The following PRKAR1B variants were observed in gnomAD, a reference collection of about 807,000 sequenced individuals.
PRKAR1B encodes cAMP-dependent protein kinase type I-beta regulatory subunit.
A neutral mutation model predicts 46.5 loss-of-function variants in PRKAR1B; 22 were observed. The observed-to-expected ratio is 0.47, with a 90% CI of 0.34 to 0.68. PRKAR1B has a LOEUF of 0.68. PRKAR1B is among the 30% of genes least tolerant of loss of function. The pLI is 0.01. For missense variants in PRKAR1B, 445 were observed against 535.6 expected, an observed-to-expected ratio of 0.83 and a Z score of 1.67; for synonymous variants, 259 against 217.7, an observed-to-expected ratio of 1.19 and a Z score of -1.67.
intron 9 of PRKAR1B, among the ~76,000 whole-genome samples, chr7:552,987 C>T (rs1267568047): frequency 6.6e-6 from 1 of 152,248 alleles, no homozygotes; most frequent in African/African-American, 2.4e-5. Context: ...AGGGCACCGC[C>T]GCAGCACGTG....
chr7:550,435 C>A lies in PRKAR1B; in HGVS notation c.1141G>T (p.Val381Phe). 6.3e-7 allele frequency: 1 copy of A among 1,588,234 alleles called. No individual in the cohort carries two copies. The highest frequency in any genetic ancestry group is 8.6e-7 in the Non-Finnish European group (1 of 1,167,814). Residue 381 changes from valine (V) to phenylalanine (F), a missense_variant, in exon 11 of 11, where the codon GTC becomes TTC. Transcript: ENST00000537384. ...CTGCAGGGCGGGAGCTGTGCTCAGA[C>A]GGTGAGGGAGATGAAGCTGTTGTAA... is the stretch of plus-strand genomic sequence containing the variant. ...QRYNSFISLT[V>F]
chr7:652,560 T>C (rs1325654922), intron 4 of PRKAR1B, among the ~76,000 whole-genome samples: 1 of 152,196 alleles, frequency 6.6e-6, no homozygotes, highest in Non-Finnish European at 1.5e-5. Context: ...CACGCAGTGC[T>C]AGGAACCTGG....
intron 4 of PRKAR1B, among the ~76,000 whole-genome samples, chr7:642,229 G>C (rs1784425234): frequency 6.6e-6 from 1 of 152,152 alleles, no homozygotes; most frequent in Non-Finnish European, 1.5e-5. Context: ...AGAAAATGCA[G>C]GCAGATTCAT....
intron 6 of PRKAR1B, among the ~76,000 whole-genome samples, chr7:599,755 G>A (rs1380608908): frequency 1.3e-5 from 2 of 151,022 alleles, no homozygotes; most frequent in Non-Finnish European, 2.9e-5. Flanking sequence ...TGGGACAGAG[G>A]TGCCAGGAGC....
rs572661116 is a variant in PRKAR1B, at chr7:595,876, G to A, written c.708+270C>T. Among the ~76,000 whole-genome samples, 30 of 152,294 alleles carry A rather than the reference G, an allele frequency of 2.0e-4. No homozygotes were observed. The East Asian group carries it at 3.9e-3, about 20-fold the overall frequency. On this transcript the variant is annotated intron_variant, in intron 7 of 10. Coordinates refer to ENST00000537384, the MANE Select transcript of PRKAR1B (RefSeq NM_001164760.2). ...TCATAGTCACCTCCTGGCCCAACATGGCAGCTGGAGCACCAGCCATCACAA... is the reference window on the plus strand; with the variant it reads ...TCATAGTCACCTCCTGGCCCAACATAGCAGCTGGAGCACCAGCCATCACAA...
chr7:693,383 C>A (rs1285595971), intron 2 of PRKAR1B, among the ~76,000 whole-genome samples: 1 of 152,114 alleles, frequency 6.6e-6, no homozygotes, highest in Admixed American at 6.5e-5. Context: ...CCTTTGCAGA[C>A]CCTGTGCCAT....
At chr7:572,153 C>A (rs954303442) in intron 9 of PRKAR1B, among the ~76,000 whole-genome samples, 1 of 152,154 alleles carries the variant, frequency 6.6e-6, no homozygotes, top group Non-Finnish European at 1.5e-5. Context: ...GACGCCCAGG[C>A]CCTGGGGCTC....
At chr7:594,278 T>C (rs1381079890) in intron 7 of PRKAR1B, among the ~76,000 whole-genome samples, 1 of 151,236 alleles carries the variant, frequency 6.6e-6, no homozygotes, top group Non-Finnish European at 1.5e-5. Flanking sequence ...GGGCATGGAG[T>C]GGAGGGAACC....
chr7:720,347 C>T (rs546408400), intron 1 of PRKAR1B, among the ~76,000 whole-genome samples: 29 of 152,290 alleles, frequency 1.9e-4, no homozygotes, highest in Non-Finnish European at 2.4e-4. Context: ...TGTGAGCCAC[C>T]GCGCCCAGCC....
intron 9 of PRKAR1B, among the ~76,000 whole-genome samples, chr7:570,360 C>A (rs895610069): frequency 6.6e-6 from 1 of 152,180 alleles, no homozygotes; most frequent in Non-Finnish European, 1.5e-5. Context: ...TTTCATACCC[C>A]CCGTCAAGGA....
In PRKAR1B at chr7:716,037, T is replaced by A. The variant is rs538540609; in HGVS notation, c.-22-4510A>T. Among the ~76,000 whole-genome samples, 609 of 150,586 alleles carry A rather than the reference T, an allele frequency of 4.0e-3. 2 individuals are homozygous for A. The highest frequency in any genetic ancestry group is 0.014 in the Middle Eastern group (4 of 290). On this transcript the variant is annotated intron_variant, in intron 1 of 10. Coordinates refer to ENST00000537384, the MANE Select transcript of PRKAR1B (RefSeq NM_001164760.2). The stretch of plus-strand genomic sequence containing the variant: ...GCCTAGCCACATTCTTTATATATTT[T>A]TTTTTTTAAATCTTTTTGTTGTTGT...
chr7:706,371 T>C (rs1780323405), intron 2 of PRKAR1B, among the ~76,000 whole-genome samples: 2 of 150,434 alleles, frequency 1.3e-5, no homozygotes, highest in African/African-American at 4.9e-5. Flanking sequence ...TTCGGAAAGA[T>C]CACATCTTGC....
intron 9 of PRKAR1B, among the ~76,000 whole-genome samples, chr7:558,626 G>T (rs1329819424): frequency 6.6e-6 from 1 of 151,980 alleles, no homozygotes; most frequent in Non-Finnish European, 1.5e-5. Flanking sequence ...CGTGGTGCGC[G>T]CCTGTAATCC....
chr7:679,261 C>T (rs1778520862), intron 3 of PRKAR1B, among the ~76,000 whole-genome samples: 1 of 152,206 alleles, frequency 6.6e-6, no homozygotes. Context: ...AGCTCCACAC[C>T]TAATCTGTTC....
chr7:577,585 G>T (rs1044729689), intron 9 of PRKAR1B, among the ~76,000 whole-genome samples: 2 of 152,066 alleles, frequency 1.3e-5, no homozygotes, highest in African/African-American at 4.8e-5. Flanking sequence ...TGGGGAGGGG[G>T]TTCCTCTCAG....
chr7:554,252 C>A (rs1021929273), intron 9 of PRKAR1B, among the ~76,000 whole-genome samples: 1 of 152,246 alleles, frequency 6.6e-6, no homozygotes, highest in Non-Finnish European at 1.5e-5. Context: ...GAATTCGGTG[C>A]GAGAAAATTT....
chr7:690,359 C>T (rs1213774547), intron 2 of PRKAR1B, among the ~76,000 whole-genome samples: 1 of 151,788 alleles, frequency 6.6e-6, no homozygotes, highest in Non-Finnish European at 1.5e-5. Context: ...GGGTGCTATG[C>T]TCACTACCCA....
chr7:641,355 G>A (rs9691389), intron 4 of PRKAR1B, among the ~76,000 whole-genome samples: 21,215 of 152,196 alleles, frequency 0.14, 1,601 homozygotes, highest in South Asian at 0.3. Flanking sequence ...CACGCATAAG[G>A]CTGTTCACGC....
chr7:576,032 C>A lies in PRKAR1B; in HGVS notation c.891+3224G>T, dbSNP rs143236349. Among the ~76,000 whole-genome samples the A allele has an allele frequency of 6.9e-3, 1,032 of 150,516 alleles. 16 individuals carry two copies. The highest frequency in any genetic ancestry group is 0.024 in the African/African-American group (983 of 40,844). ...ATGGGTGGGTGTGCATGCTGGCATCCTCTCCTCTGCACACGGGCAAATGTG... is the reference window on the plus strand; with the variant it reads ...ATGGGTGGGTGTGCATGCTGGCATCATCTCCTCTGCACACGGGCAAATGTG... On this transcript the variant is annotated intron_variant, in intron 9 of 10. Coordinates refer to ENST00000537384, the MANE Select transcript of PRKAR1B (RefSeq NM_001164760.2).
Sources: allele counts gnomAD v4.1 joint callset (sites outside exome capture counted in the v4.1 genomes callset), GRCh38; gene constraint gnomAD v4.1.1; transcripts MANE v1.5; gene names NCBI Gene and HGNC (gene_info 2026-07-23, HGNC 2026-07-21).